BRD10: variants seen among roughly 807,000 people sequenced by gnomAD.
BRD10 encodes the protein uncharacterized bromodomain-containing protein 10.
the BRD10 span, among the ~76,000 whole-genome samples, chr9:5,937,422 C>T: frequency 2.0e-5 from 3 of 151,874 alleles, no homozygotes; most frequent in African/African-American, 7.2e-5. Context: ...GTAATCCCAG[C>T]TACTAGGGAG....
the BRD10 span, among the ~76,000 whole-genome samples, chr9:5,966,342 A>C: frequency 6.6e-6 from 1 of 152,100 alleles, no homozygotes; most frequent in Admixed American, 6.6e-5. Context: ...CAGAAGTGTA[A>C]TAAACAATAA....
chr9:5,889,015 G>T, the BRD10 span, among the ~76,000 whole-genome samples: 5 of 152,262 alleles, frequency 3.3e-5, no homozygotes, highest in Admixed American at 2.6e-4. Context: ...AGCCAAACTT[G>T]CACCGAAAAA....
chr9:5,980,924 AAAC>A, the BRD10 span, among the ~76,000 whole-genome samples: 1 of 152,312 alleles, frequency 6.6e-6, no homozygotes, highest in Non-Finnish European at 1.5e-5. Flanking sequence ...GTTTTAATTA[AAAC>A]AACAACAGTA....
the BRD10 span, among the ~76,000 whole-genome samples, chr9:5,914,410 GTTTTTTTTTTTTTTTT>G: frequency 8.0e-5 from 6 of 75,456 alleles, no homozygotes; most frequent in East Asian, 4.8e-4. Flanking sequence ...AATCCAGATG[GTTTTTTTTTTTTTTTT>G]TTTTTTTTTT....
the BRD10 span, chr9:6,007,574 C>G: frequency 1.9e-6 from 3 of 1,610,346 alleles, no homozygotes; most frequent in Non-Finnish European, 2.5e-6. Context: ...AGCTCCTGCT[C>G]CTTGCAGCAA....
chr9:5,988,430 C>T, the BRD10 span: 1 of 1,613,914 alleles, frequency 6.2e-7, no homozygotes. Context: ...GTCAAGCCTG[C>T]CAAACTTCGC....
chr9:5,944,940 A>T, the BRD10 span: 1 of 1,536,380 alleles, frequency 6.5e-7, no homozygotes. Flanking sequence ...CCCTGAGTTC[A>T]TCAAGATTAG....
At chr9:5,953,208 G>A in the BRD10 span, among the ~76,000 whole-genome samples, 1 of 151,906 alleles carries the variant, frequency 6.6e-6, no homozygotes. Context: ...CTTGACTTGA[G>A]ACTCACAAAT....
the BRD10 span, among the ~76,000 whole-genome samples, chr9:5,926,253 G>T: frequency 6.6e-6 from 1 of 151,972 alleles, no homozygotes; most frequent in African/African-American, 2.4e-5. Context: ...ATTCTTATTT[G>T]TGCACATTAG....
the BRD10 span, chr9:5,924,605 A>G: frequency 8.7e-7 from 1 of 1,154,390 alleles, no homozygotes; most frequent in Non-Finnish European, 1.2e-6. Context: ...CAGCAAACAA[A>G]AACTTCTCTT....
chr9:5,955,357 G>C, the BRD10 span, among the ~76,000 whole-genome samples: 13 of 152,080 alleles, frequency 8.5e-5, no homozygotes, highest in Non-Finnish European at 1.8e-4. Context: ...ACAATCATTT[G>C]CAGACTAAAA....
the BRD10 span, among the ~76,000 whole-genome samples, chr9:5,907,851 G>T: frequency 6.6e-6 from 1 of 152,194 alleles, no homozygotes; most frequent in Non-Finnish European, 1.5e-5. Flanking sequence ...TACTTGGGAC[G>T]CTGAGGCAGG....
chr9:5,900,212 C>T, the BRD10 span, among the ~76,000 whole-genome samples: 1 of 152,264 alleles, frequency 6.6e-6, no homozygotes, highest in East Asian at 1.9e-4. Flanking sequence ...GTCTTAATGT[C>T]ATGTGCTCAG....
chr9:5,950,782 T>G, the BRD10 span, among the ~76,000 whole-genome samples: 2 of 152,106 alleles, frequency 1.3e-5, no homozygotes, highest in African/African-American at 4.8e-5. Context: ...CAAGGATGCT[T>G]AAGACCTTGA....
the BRD10 span, among the ~76,000 whole-genome samples, chr9:5,936,461 C>T: frequency 6.6e-6 from 1 of 152,196 alleles, no homozygotes; most frequent in South Asian, 2.1e-4. Context: ...ATTAGAATTA[C>T]ATCTTAAAGA....
At chr9:5,898,781 C>A in the BRD10 span, among the ~76,000 whole-genome samples, 6 of 152,188 alleles carry the variant, frequency 3.9e-5, no homozygotes, top group African/African-American at 1.4e-4. Context: ...CCTGTGAATT[C>A]CAAGTTCTTC....
At chr9:5,922,186 T>C in the BRD10 span, 19 of 1,613,996 alleles carry the variant, frequency 1.2e-5, 1 homozygote, top group African/African-American at 2.1e-4. Context: ...TGCACACAGT[T>C]TTCAGCTCTT....
chr9:5,917,231 CAATAT>C, the BRD10 span, among the ~76,000 whole-genome samples: 8 of 152,204 alleles, frequency 5.3e-5, no homozygotes, highest in South Asian at 2.1e-4. Flanking sequence ...AGTGACTGCA[CAATAT>C]AATAATGCTG....
At chr9:5,882,884 T>C in the BRD10 span, among the ~76,000 whole-genome samples, 121 of 152,188 alleles carry the variant, frequency 8.0e-4, no homozygotes, top group Middle Eastern at 0.01. Context: ...CTGGAAACCA[T>C]CATTCTCAGT....
Sources: gnomAD v4.1 joint callset for allele counts (sites outside exome capture counted in the v4.1 genomes callset) on GRCh38, gnomAD v4.1.1 for gene constraint, MANE v1.5 for transcripts, NCBI Gene and HGNC (gene_info 2026-07-23, HGNC 2026-07-21) for gene names.